COQ3: variants seen among roughly 807,000 people sequenced by gnomAD.
The protein encoded by COQ3 is ubiquinone biosynthesis O-methyltransferase, mitochondrial.
A neutral mutation model predicts 33.1 loss-of-function variants in COQ3; 29 were observed. That is an observed-to-expected ratio of 0.88 (90% CI 0.65 to 1.19). The LOEUF (loss-of-function observed/expected upper bound fraction) is 1.19. Among genes scored for constraint, COQ3 ranks in the 50% most tolerant of loss-of-function variants. The pLI is 0.00. For synonymous variants in COQ3, 173 were observed against 157.8 expected, an observed-to-expected ratio of 1.10 and a Z score of -0.72; for missense variants, 437 against 430.7, an observed-to-expected ratio of 1.01 and a Z score of -0.13.
chr6:99,377,474 A>G lies in COQ3; in HGVS notation c.398T>C (p.Leu133Pro). Reference protein sequence around the residue: ...LRVPFIRDNLLKTIPNHQPGK... With the variant: ...LRVPFIRDNLPKTIPNHQPGK... Reference sequence around the variant, plus strand: ...TGGCTGGTGATTAGGAATTGTTTTCAGAAGATTGTCCCTTTTTTAAAAAAT... The same window carrying G: ...TGGCTGGTGATTAGGAATTGTTTTCGGAAGATTGTCCCTTTTTTAAAAAAT... The change falls in exon 4 of 7, where the codon CTG becomes CCG. Residue 133 changes from leucine (L) to proline (P), a missense_variant. By Grantham distance (98) the Leu-to-Pro change is moderately conservative. Transcript: ENST00000254759. 6.2e-7 allele frequency: 1 copy of G among 1,606,934 alleles called. No individual in the cohort carries two copies. Among genetic ancestry groups the G allele is most frequent in the Non-Finnish European group, 8.5e-7 (1 of 1,176,780 alleles).
At chr6:99,369,888 A>G in intron 6 of COQ3, 68 bp from the exon 7 acceptor site, 1 of 1,045,474 alleles carries the variant, frequency 9.6e-7, no homozygotes, top group South Asian at 1.5e-5. Flanking sequence ...CAAGAGTTTC[A>G]TGCAACTTTC....
intron 1 of COQ3, among the ~76,000 whole-genome samples, chr6:99,390,441 C>G (rs1441631093): frequency 6.6e-6 from 1 of 151,134 alleles, no homozygotes; most frequent in East Asian, 2.0e-4. Flanking sequence ...TCACGCCATT[C>G]TCCTGCCTCA....
intron 5 of COQ3, 47 bp from the exon 6 acceptor site, chr6:99,371,634 GT>G: frequency 7.6e-7 from 1 of 1,315,706 alleles, no homozygotes; most frequent in Non-Finnish European, 1.1e-6. Context: ...AAGACTAAGT[GT>G]ATCACTTAAG....
intron 1 of COQ3, among the ~76,000 whole-genome samples, chr6:99,392,771 G>A (rs547652243): frequency 2.0e-5 from 3 of 152,074 alleles, no homozygotes; most frequent in African/African-American, 4.8e-5. Flanking sequence ...GATTACAGGC[G>A]CCTGCCGCCA....
chr6:99,390,881 A>G (rs1774805560), intron 1 of COQ3, among the ~76,000 whole-genome samples: 2 of 152,202 alleles, frequency 1.3e-5, no homozygotes, highest in South Asian at 4.2e-4. Flanking sequence ...ATTTATCATG[A>G]ATGAGGTTAA....
intron 2 of COQ3, among the ~76,000 whole-genome samples, chr6:99,380,604 T>A (rs534407714): frequency 1.3e-5 from 2 of 152,196 alleles, no homozygotes; most frequent in East Asian, 3.9e-4. Flanking sequence ...CTGGGTCATA[T>A]CTAATAATAA....
chr6:99,379,411 C>T (rs930739879), intron 3 of COQ3, among the ~76,000 whole-genome samples: 2 of 152,132 alleles, frequency 1.3e-5, no homozygotes, highest in Admixed American at 6.5e-5. Flanking sequence ...TATAAGTTCC[C>T]GAAGCACAAA....
intron 3 of COQ3, among the ~76,000 whole-genome samples, chr6:99,379,823 C>G (rs932244896): frequency 4.6e-5 from 7 of 151,658 alleles, no homozygotes; most frequent in Non-Finnish European, 8.8e-5. Context: ...ACATTGCACT[C>G]CCCTCTGGGT....
chr6:99,372,033 A>G (rs1774157673), intron 5 of COQ3, among the ~76,000 whole-genome samples: 1 of 152,204 alleles, frequency 6.6e-6, no homozygotes, highest in African/African-American at 2.4e-5. Flanking sequence ...GGGAAGTACT[A>G]CCAATAAGTG....
chr6:99,391,230 C>T (rs149829598), intron 1 of COQ3, among the ~76,000 whole-genome samples: 2 of 151,412 alleles, frequency 1.3e-5, no homozygotes, highest in Non-Finnish European at 2.9e-5. Flanking sequence ...TATCCAGTAG[C>T]GAGGTCCACA....
chr6:99,382,096 A>C (rs1435271541), intron 2 of COQ3, among the ~76,000 whole-genome samples: 1 of 152,196 alleles, frequency 6.6e-6, no homozygotes, highest in African/African-American at 2.4e-5. Context: ...CTATGAAGGC[A>C]AGGCATGGAC....
intron 1 of COQ3, among the ~76,000 whole-genome samples, chr6:99,387,425 T>C (rs1330613058): frequency 6.6e-6 from 1 of 152,170 alleles, no homozygotes; most frequent in African/African-American, 2.4e-5. Flanking sequence ...CACTCCAGCC[T>C]AGGGTACAGA....
chr6:99,380,447 T>C lies in COQ3; in HGVS notation c.234-106A>G, dbSNP rs1245082059. The C allele has an allele frequency of 4.5e-5, 54 of 1,203,018 alleles. 1 individual carries two copies. The East Asian group carries it at 1.4e-3, about 30-fold the overall frequency. 74.5% of individuals were successfully genotyped at this position (1,203,018 alleles called of 1,614,324 possible). ...GTCTTATTTACAATTTATTATATTC[T>C]AAATCTGTATACTGCTCAATATTGA... On this transcript the variant is annotated intron_variant, in intron 2 of 6. Coordinates refer to ENST00000254759, the MANE Select transcript of COQ3 (RefSeq NM_017421.4).
At chr6:99,391,367 G>A (rs1416094512) in intron 1 of COQ3, among the ~76,000 whole-genome samples, 2 of 151,824 alleles carry the variant, frequency 1.3e-5, no homozygotes, top group Admixed American at 6.6e-5. Context: ...ACCTCCCAAA[G>A]TGCCGGGATT....
intron 1 of COQ3, among the ~76,000 whole-genome samples, chr6:99,390,092 G>C (rs553826713): frequency 6.6e-6 from 1 of 152,158 alleles, no homozygotes; most frequent in Non-Finnish European, 1.5e-5. Context: ...CAGCCTGGGC[G>C]AAAGAGTGAG....
intron 4 of COQ3, among the ~76,000 whole-genome samples, chr6:99,376,963 CA>C (rs1351557111): frequency 5.0e-5 from 7 of 141,022 alleles, no homozygotes; most frequent in Admixed American, 7.1e-5. Context: ...AACTCTGTCT[CA>C]AAAAAAAAAG....
intron 5 of COQ3, among the ~76,000 whole-genome samples, chr6:99,372,161 T>C (rs1239541261): frequency 6.6e-6 from 1 of 152,066 alleles, no homozygotes; most frequent in Non-Finnish European, 1.5e-5. Flanking sequence ...CCCAGCACTT[T>C]GAGAGGCTAA....
At chr6:99,380,104 G>T in intron 3 of COQ3, 85 bp downstream of exon 3, 3 of 1,283,662 alleles carry the variant, frequency 2.3e-6, no homozygotes, top group East Asian at 2.4e-5. Flanking sequence ...TTTTTAACTA[G>T]GTATAAACTA....
intron 1 of COQ3, among the ~76,000 whole-genome samples, chr6:99,388,882 T>C (rs12209124): frequency 0.48 from 67,203 of 139,380 alleles, 15,859 homozygotes; most frequent in Middle Eastern, 0.63. Flanking sequence ...AAAACACTAA[T>C]GTATACACGC....
Sources: allele counts gnomAD v4.1 joint callset (sites outside exome capture counted in the v4.1 genomes callset), GRCh38; gene constraint gnomAD v4.1.1; transcripts MANE v1.5; gene names NCBI Gene and HGNC (gene_info 2026-07-23, HGNC 2026-07-21).